Variants in MRAP2 observed in about 807,000 individuals in gnomAD.
The protein encoded by MRAP2 is melanocortin-2 receptor accessory protein 2.
In MRAP2, 20 loss-of-function variants were observed where a neutral mutation model predicts 17.4. The observed-to-expected ratio is 1.15, with a 90% CI of 0.81 to 1.67. MRAP2 has a LOEUF of 1.67. Among genes scored for constraint, MRAP2 ranks in the 40% most tolerant of loss-of-function variants. MRAP2 has a pLI of 0.00. For missense variants in MRAP2, 238 were observed against 240.0 expected, an observed-to-expected ratio of 0.99 and a Z score of 0.05; for synonymous variants, 96 against 88.4, an observed-to-expected ratio of 1.09 and a Z score of -0.48.
chr6:84,053,877 C>T (rs533041833), intron 1 of MRAP2, among the ~76,000 whole-genome samples: 5 of 152,026 alleles, frequency 3.3e-5, no homozygotes, highest in Admixed American at 6.5e-5. Context: ...ATCCTTTGAA[C>T]AGTATGATGA....
At chr6:84,115,402 A>G in the MRAP2 span, among the ~76,000 whole-genome samples, 1 of 152,156 alleles carries the variant, frequency 6.6e-6, no homozygotes, top group Non-Finnish European at 1.5e-5. Context: ...CTCAGGTCTC[A>G]GCAATGGTGG....
intron 1 of MRAP2, among the ~76,000 whole-genome samples, chr6:84,041,063 G>GC (rs556927042): frequency 7.6e-4 from 116 of 152,200 alleles, no homozygotes; most frequent in African/African-American, 2.7e-3. Context: ...CTGGGTTCAG[G>GC]CCCCCCCTGC....
the MRAP2 span, among the ~76,000 whole-genome samples, chr6:84,143,703 G>C: frequency 6.6e-6 from 1 of 151,932 alleles, no homozygotes; most frequent in Non-Finnish European, 1.5e-5. Flanking sequence ...TTTATTTTAA[G>C]AGTTTTAAAA....
chr6:84,064,709 G>A (rs186560963), intron 3 of MRAP2, among the ~76,000 whole-genome samples: 17 of 152,230 alleles, frequency 1.1e-4, no homozygotes, highest in South Asian at 6.2e-4. Context: ...GGATGGTCTC[G>A]ATCTGCTGAC....
At chr6:84,098,205 A>T in the MRAP2 span, among the ~76,000 whole-genome samples, 1 of 152,174 alleles carries the variant, frequency 6.6e-6, no homozygotes, top group Non-Finnish European at 1.5e-5. Context: ...GAAATCATGC[A>T]GTACATACTC....
intron 2 of MRAP2, among the ~76,000 whole-genome samples, chr6:84,059,534 C>T (rs533426581): frequency 2.0e-5 from 3 of 152,176 alleles, no homozygotes; most frequent in South Asian, 2.1e-4. Flanking sequence ...GAGGGTGAGT[C>T]GGATGGAGTA....
rs57726997 is a variant in MRAP2 at position 84,072,422 on chromosome 6, A to T, written c.227+9430A>T. Among the ~76,000 whole-genome samples the T allele has an allele frequency of 6.0e-3, 907 of 152,260 alleles. 5 individuals carry two copies. The highest frequency in any genetic ancestry group is 0.021 in the African/African-American group (875 of 41,542). On this transcript the variant is annotated intron_variant, in intron 3 of 3. Transcript: ENST00000257776. ...GTTGTCTGCACAGAGTCCTGTGACG[A>T]GAATCGTTTATGGGTCTCTCAGCCA...
At chr6:84,141,510 G>A in the MRAP2 span, among the ~76,000 whole-genome samples, 2 of 152,072 alleles carry the variant, frequency 1.3e-5, no homozygotes, top group East Asian at 3.9e-4. Context: ...CTGGGTCCCT[G>A]ACTTAAACAT....
At chr6:84,135,807 G>C in the MRAP2 span, among the ~76,000 whole-genome samples, 1 of 152,176 alleles carries the variant, frequency 6.6e-6, no homozygotes, top group Non-Finnish European at 1.5e-5. Flanking sequence ...AGGTTGCTGT[G>C]AGCCGAGATT....
At chr6:84,097,180 C>G in the MRAP2 span, among the ~76,000 whole-genome samples, 1 of 152,138 alleles carries the variant, frequency 6.6e-6, no homozygotes, top group Admixed American at 6.5e-5. Flanking sequence ...CTGCCCATCA[C>G]AGAAGCAGCC....
chr6:84,055,156 G>A (rs983797931), intron 1 of MRAP2, among the ~76,000 whole-genome samples, 156 bp from the exon 2 acceptor site: 1 of 152,222 alleles, frequency 6.6e-6, no homozygotes, highest in African/African-American at 2.4e-5. Context: ...GATATGAGGT[G>A]TGAGCAGCTG....
the MRAP2 span, among the ~76,000 whole-genome samples, chr6:84,121,370 A>G: frequency 6.6e-6 from 1 of 152,228 alleles, no homozygotes; most frequent in African/African-American, 2.4e-5. Flanking sequence ...GTGGCCAGGC[A>G]TGGTGGCTCA....
At position 84,089,393 on chromosome 6, in the gene MRAP2, T is replaced by C; in HGVS notation, c.530T>C (p.Phe177Ser). Residue 177 changes from phenylalanine to serine, a missense_variant, in exon 4 of 4, where the codon TTT becomes TCT. Physicochemically the swap from Phe to Ser is radical, Grantham distance 155. Coordinates refer to ENST00000257776, the MANE Select transcript of MRAP2 (RefSeq NM_138409.4). ...TTTGTGAACACAGACCAGAACTACTTTGGGGAGGATGATCTTCTGATTTCT... is the reference window on the plus strand; with the variant it reads ...TTTGTGAACACAGACCAGAACTACTCTGGGGAGGATGATCTTCTGATTTCT... ...PNFVNTDQNY[F>S]GEDDLLISEP... The C allele has an allele frequency of 1.9e-6, 3 of 1,614,012 alleles. No homozygotes were observed. Among genetic ancestry groups the C allele is most frequent in the East Asian group, 2.2e-5 (1 of 44,890 alleles).
At chr6:84,114,227 G>C in the MRAP2 span, among the ~76,000 whole-genome samples, 240 of 152,138 alleles carry the variant, frequency 1.6e-3, 2 homozygotes, top group Middle Eastern at 0.01. Context: ...TCAAACATAC[G>C]TTTGGTCTTT....
chr6:84,095,549 C>A (rs899004111), downstream of MRAP2, among the ~76,000 whole-genome samples: 2 of 152,314 alleles, frequency 1.3e-5, no homozygotes, highest in African/African-American at 2.4e-5. Context: ...AGATATACAA[C>A]CACCTCAGGT....
chr6:84,033,683 C>A, upstream of MRAP2: 1 of 985,208 alleles, frequency 1.0e-6, no homozygotes, highest in Non-Finnish European at 1.2e-6. Flanking sequence ...GGAGGCGGCT[C>A]CCGCGCTGCA....
At chr6:84,104,002 C>A in the MRAP2 span, among the ~76,000 whole-genome samples, 1 of 152,182 alleles carries the variant, frequency 6.6e-6, no homozygotes, top group African/African-American at 2.4e-5. Flanking sequence ...CTAAAGAAAC[C>A]TGATGCCTCT....
At chr6:84,112,246 G>C in the MRAP2 span, among the ~76,000 whole-genome samples, 24 of 152,208 alleles carry the variant, frequency 1.6e-4, no homozygotes, top group East Asian at 3.7e-3. Flanking sequence ...GCTTCTTTTG[G>C]TTGGTAGGCT....
intron 3 of MRAP2, among the ~76,000 whole-genome samples, chr6:84,079,846 T>C (rs548614295): frequency 6.6e-6 from 1 of 152,366 alleles, no homozygotes; most frequent in African/African-American, 2.4e-5. Context: ...TCAGTCAAGA[T>C]TGGACAGATA....
Sources: gnomAD v4.1 joint callset for allele counts (sites outside exome capture counted in the v4.1 genomes callset) on GRCh38, gnomAD v4.1.1 for gene constraint, MANE v1.5 for transcripts, NCBI Gene and HGNC (gene_info 2026-07-23, HGNC 2026-07-21) for gene names.